Variants in DPP10 observed in about 807,000 individuals in gnomAD.
DPP10 encodes the protein inactive dipeptidyl peptidase 10.
DPP10 carries 33 observed loss-of-function variants against 120.9 expected under a neutral mutation model. The observed-to-expected ratio is 0.27, with a 90% CI of 0.21 to 0.37. DPP10 has a LOEUF of 0.37. Ranked by LOEUF, DPP10 falls within the 10% of genes least tolerant of loss-of-function variation. The probability of loss-of-function intolerance (pLI) is 1.00; values close to 1 mark genes in which losing one functional copy is unlikely to be tolerated. For synonymous variants in DPP10, 337 were observed against 326.1 expected (o/e 1.03, Z -0.36); for missense variants, 816 against 942.8 (o/e 0.87, Z 1.76).
intron 1 of DPP10, among the ~76,000 whole-genome samples, chr2:114,729,027 C>T (rs139447285): frequency 4.9e-4 from 75 of 152,182 alleles, no homozygotes; most frequent in Non-Finnish European, 8.8e-4. Context: ...GGAGGTTTAA[C>T]GGAGACAGGG....
At chr2:114,921,977 C>T (rs1164452966) in intron 1 of DPP10, among the ~76,000 whole-genome samples, 1 of 152,170 alleles carries the variant, frequency 6.6e-6, no homozygotes, top group Non-Finnish European at 1.5e-5. Flanking sequence ...ATGCCTTTAT[C>T]ATAATATTAT....
At chr2:115,329,249 A>G (rs2062557855) in intron 2 of DPP10, among the ~76,000 whole-genome samples, 1 of 151,958 alleles carries the variant, frequency 6.6e-6, no homozygotes, top group Non-Finnish European at 1.5e-5. Context: ...CCCTATGTTG[A>G]GTTTTAAAAA....
At chr2:115,538,717 T>C (rs558746848) in intron 5 of DPP10, among the ~76,000 whole-genome samples, 2 of 152,108 alleles carry the variant, frequency 1.3e-5, no homozygotes, top group South Asian at 2.1e-4. Flanking sequence ...ACATTAACTT[T>C]AAAAACACTG....
At chr2:114,558,683 T>G (rs998072723) in intron 1 of DPP10, among the ~76,000 whole-genome samples, 2 of 152,198 alleles carry the variant, frequency 1.3e-5, no homozygotes, top group African/African-American at 2.4e-5. Flanking sequence ...CAGTAAATAT[T>G]TGTTAAACAA....
In DPP10 at chr2:114,537,179, C is replaced by T. The variant is rs925214902; in HGVS notation, c.60+94341C>T. 6.6e-5 allele frequency among the ~76,000 whole-genome samples: 10 copies of T among 152,194 alleles called. No homozygotes were observed. In the East Asian group the frequency reaches 1.7e-3, roughly 26 times the overall value. ...CAGAACATGGTCTCCAATTCTTTTG[C>T]TTTTATTTCCAGCCAATGAGCTCAG... is the stretch of plus-strand genomic sequence containing the variant. On this transcript the variant is annotated intron_variant, in intron 1 of 25. Coordinates refer to ENST00000410059, the MANE Select transcript of DPP10 (RefSeq NM_020868.6).
intron 3 of DPP10, among the ~76,000 whole-genome samples, chr2:115,355,157 A>C (rs570576577): frequency 1.1e-4 from 16 of 152,318 alleles, no homozygotes; most frequent in African/African-American, 3.8e-4. Context: ...ACTAATTTAC[A>C]TTCCCACCAA....
chr2:115,715,956 A>G (rs1394205644), intron 7 of DPP10, among the ~76,000 whole-genome samples: 1 of 152,202 alleles, frequency 6.6e-6, no homozygotes, highest in Non-Finnish European at 1.5e-5. Flanking sequence ...CCAATGAACA[A>G]GCAAATAATA....
chr2:115,006,204 G>A (rs1469286742), intron 1 of DPP10, among the ~76,000 whole-genome samples: 3 of 151,878 alleles, frequency 2.0e-5, no homozygotes, highest in Non-Finnish European at 4.4e-5. Context: ...CCCTAAAAGA[G>A]CTCCTGAAGG....
intron 1 of DPP10, among the ~76,000 whole-genome samples, chr2:114,733,781 G>C (rs1419684442): frequency 6.6e-6 from 1 of 152,072 alleles, no homozygotes; most frequent in East Asian, 1.9e-4. Context: ...TTATTATAGA[G>C]TATTGAATAT....
intron 1 of DPP10, among the ~76,000 whole-genome samples, chr2:114,582,352 G>A (rs1015999930): frequency 6.6e-6 from 1 of 152,176 alleles, no homozygotes; most frequent in African/African-American, 2.4e-5. Flanking sequence ...TGAAGGATAT[G>A]TTGGTTGCTT....
chr2:115,414,301 C>T (rs111805837), intron 3 of DPP10, among the ~76,000 whole-genome samples: 26 of 152,052 alleles, frequency 1.7e-4, no homozygotes, highest in Admixed American at 7.2e-4. Context: ...AAAATGTCTG[C>T]GACAGAGCCG....
intron 1 of DPP10, among the ~76,000 whole-genome samples, chr2:115,002,122 T>C (rs757657953): frequency 6.6e-6 from 1 of 152,152 alleles, no homozygotes; most frequent in Non-Finnish European, 1.5e-5. Flanking sequence ...GTCACCTGAC[T>C]TCAAACTATA....
chr2:115,049,786 G>A (rs748226062), intron 1 of DPP10, among the ~76,000 whole-genome samples: 1 of 152,128 alleles, frequency 6.6e-6, no homozygotes, highest in Non-Finnish European at 1.5e-5. Flanking sequence ...AGTTCTCATG[G>A]TTCCCTTTTC....
At chr2:114,783,405 G>A (rs1682495369) in intron 1 of DPP10, among the ~76,000 whole-genome samples, 1 of 151,890 alleles carries the variant, frequency 6.6e-6, no homozygotes, top group Non-Finnish European at 1.5e-5. Flanking sequence ...CCCTCTGTAG[G>A]GTCAAAGACA....
chr2:115,329,558 G>A (rs2062578795), intron 2 of DPP10, among the ~76,000 whole-genome samples: 1 of 151,954 alleles, frequency 6.6e-6, no homozygotes, highest in Admixed American at 6.6e-5. Flanking sequence ...TTTACATTAG[G>A]TATATCTCCT....
chr2:115,188,403 T>A (rs779396383), intron 1 of DPP10, among the ~76,000 whole-genome samples: 2 of 152,144 alleles, frequency 1.3e-5, no homozygotes, highest in Non-Finnish European at 2.9e-5. Flanking sequence ...AAGTTTGGGC[T>A]AATATCTAGA....
At chr2:114,690,409 T>A (rs1452718109) in intron 1 of DPP10, among the ~76,000 whole-genome samples, 1 of 152,066 alleles carries the variant, frequency 6.6e-6, no homozygotes, top group Admixed American at 6.6e-5. Context: ...GCAGTCTTAT[T>A]TCTGAGTTCT....
intron 1 of DPP10, among the ~76,000 whole-genome samples, chr2:114,477,476 T>C (rs1680514765): frequency 6.6e-6 from 1 of 151,052 alleles, no homozygotes; most frequent in African/African-American, 2.4e-5. Flanking sequence ...CATATACACA[T>C]ACATACACAT....
chr2:115,738,822 C>T (rs1024524069), intron 8 of DPP10, among the ~76,000 whole-genome samples: 2 of 152,264 alleles, frequency 1.3e-5, no homozygotes, highest in African/African-American at 2.4e-5. Context: ...GTCAGAGTCC[C>T]AAGTGTTGGC....
Sources: allele counts gnomAD v4.1 joint callset (sites outside exome capture counted in the v4.1 genomes callset), GRCh38; gene constraint gnomAD v4.1.1; transcripts MANE v1.5; gene names NCBI Gene and HGNC (gene_info 2026-07-23, HGNC 2026-07-21).